Variants in GZMA observed in about 807,000 individuals in gnomAD.
GZMA encodes the protein granzyme A.
Under a neutral mutation model 21.1 loss-of-function variants are expected in GZMA, and 17 were observed. The ratio of observed to expected loss-of-function variants is 0.81; its 90% CI spans 0.55 to 1.21. GZMA has a LOEUF of 1.21. GZMA is among the 50% of genes most tolerant of loss of function. GZMA has a pLI of 0.00. For missense variants in GZMA, 306 were observed against 315.9 expected (o/e 0.97, Z 0.24); for synonymous variants, 90 against 107.8 (o/e 0.83, Z 1.03).
At chr5:55,103,870 G>T (rs1279677389) in intron 1 of GZMA, among the ~76,000 whole-genome samples, 2 of 152,108 alleles carry the variant, frequency 1.3e-5, no homozygotes, top group Non-Finnish European at 2.9e-5. Flanking sequence ...GCTGGGTATG[G>T]TGGCACGTGC....
Position 55,107,935 on chromosome 5 carries a change from G to T in GZMA, c.357G>T (p.Gln119His). 6.2e-7 allele frequency: 1 copy of T among 1,611,712 alleles called. No individual in the cohort carries two copies. The highest frequency in any genetic ancestry group is 8.5e-7 in the Non-Finnish European group (1 of 1,178,220). Residue 119 changes from glutamine to histidine, a missense_variant and splice_region_variant, in exon 3 of 5, where the codon CAG becomes CAT. Transcript: ENST00000274306. The stretch of plus-strand genomic sequence containing the variant: ...GCGAAGGTGACCTTAAACTTTTACA[G>T]GTACGTATCTTTGATTGTCTTCTCA... ...ATREGDLKLL[Q>H]LMEKAKINKY...
intron 1 of GZMA, among the ~76,000 whole-genome samples, chr5:55,104,331 T>C (rs931191274): frequency 4.6e-5 from 7 of 152,222 alleles, no homozygotes; most frequent in African/African-American, 1.4e-4. Context: ...AAATTGGGAT[T>C]GGGTGAAGGT....
rs772039884 is a variant in GZMA at position 55,108,367 on chromosome 5, C to G, written c.600C>G (p.Ser200Arg). The G allele has an allele frequency of 1.2e-6, 2 of 1,612,968 alleles. No individual in the cohort carries two copies. The highest frequency in any genetic ancestry group is 2.2e-5 in the South Asian group (2 of 91,014). ...GAATGAATATGGTTTGTGCTGGAAG[C>G]CTCCGAGGTGGAAGAGACTCGTGCA... ...VIGMNMVCAG[S>R]LRGGRDSCNG... Residue 200 changes from serine to arginine, a missense_variant, in exon 4 of 5, where the codon AGC (serine) becomes AGG (arginine). Coordinates refer to ENST00000274306, the MANE Select transcript of GZMA (RefSeq NM_006144.4).
chr5:55,102,875 T>A, intron 1 of GZMA, 123 bp downstream of exon 1: 1 of 707,680 alleles, frequency 1.4e-6, no homozygotes, highest in Non-Finnish European at 2.6e-6. Context: ...AGCCTTATAA[T>A]GTTTAGCCAG....
At chr5:55,107,380 A>C (rs1742432329) in intron 2 of GZMA, among the ~76,000 whole-genome samples, 1 of 152,214 alleles carries the variant, frequency 6.6e-6, no homozygotes, top group Admixed American at 6.5e-5. Flanking sequence ...AGATCCCTTC[A>C]GTGCATTACT....
At chr5:55,108,060 G>A (rs1278546401) in intron 3 of GZMA, 65 bp from the exon 4 acceptor site, 1 of 1,423,400 alleles carries the variant, frequency 7.0e-7, no homozygotes, top group Non-Finnish European at 9.7e-7. Flanking sequence ...TGAAATTTTG[G>A]ACTATAATTT....
intron 1 of GZMA, 64 bp downstream of exon 1, chr5:55,102,816 A>C: frequency 9.9e-7 from 1 of 1,014,212 alleles, no homozygotes. Flanking sequence ...CTTTCAATGA[A>C]CTTTTGGCAA....
In GZMA at chr5:55,107,826, A is replaced by T; in HGVS notation, c.248A>T (p.His83Leu). The change falls in exon 3 of 5, where the codon CAC (histidine) becomes CTC (leucine). Residue 83 changes from histidine to leucine, a missense_variant. Transcript: ENST00000274306. Reference protein sequence around the residue: ...NKRSQVILGAHSITREEPTKQ... With the variant: ...NKRSQVILGALSITREEPTKQ... ...AGGTCCCAGGTCATTCTTGGGGCTC[A>T]CTCAATAACCAGGGAAGAGCCAACA... is the stretch of plus-strand genomic sequence containing the variant. 1.2e-6 allele frequency: 2 copies of T among 1,612,222 alleles called. No homozygotes were observed. Among genetic ancestry groups the T allele is most frequent in the Non-Finnish European group, 1.7e-6 (2 of 1,178,320 alleles).
At position 55,107,614 on chromosome 5, in the gene GZMA, T is replaced by C. The variant is rs537089013; in HGVS notation, c.216-180T>C. On this transcript the variant is annotated intron_variant, in intron 2 of 4. Coordinates refer to ENST00000274306, the MANE Select transcript of GZMA (RefSeq NM_006144.4). ...GATGATGATGATGACGATAAATTCATAAACATTCTTTTATTCATAAACATT... is the reference window on the plus strand; with the variant it reads ...GATGATGATGATGACGATAAATTCACAAACATTCTTTTATTCATAAACATT... Among the ~76,000 whole-genome samples, 6 of 152,312 alleles carry C rather than the reference T, an allele frequency of 3.9e-5. No individual in the cohort carries two copies. In the South Asian group the frequency reaches 8.3e-4, roughly 21 times the overall value.
At chr5:55,105,055 T>C (rs1352864069) in intron 1 of GZMA, among the ~76,000 whole-genome samples, 1 of 152,170 alleles carries the variant, frequency 6.6e-6, no homozygotes, top group East Asian at 1.9e-4. Flanking sequence ...AAAAGGGAAG[T>C]TATGAGGCTT....
At chr5:55,103,778 T>C (rs3111195) in intron 1 of GZMA, among the ~76,000 whole-genome samples, 142,874 of 152,238 alleles carry the variant, frequency 0.94, 67,404 homozygotes, top group East Asian at 1. Context: ...GAGGCTGAGG[T>C]GGGTGTTTCA....
At chr5:55,109,599 T>A (rs1321992367) in intron 4 of GZMA, among the ~76,000 whole-genome samples, 1 of 152,258 alleles carries the variant, frequency 6.6e-6, no homozygotes, top group Non-Finnish European at 1.5e-5. Flanking sequence ...GGGACTGATT[T>A]GGTTTTGTTT....
intron 1 of GZMA, among the ~76,000 whole-genome samples, chr5:55,104,669 T>A (rs186113320): frequency 6.6e-6 from 1 of 152,270 alleles, no homozygotes. Context: ...GCACTCGGAG[T>A]GTATCACTAA....
At chr5:55,104,879 G>A (rs567841756) in intron 1 of GZMA, among the ~76,000 whole-genome samples, 1 of 152,320 alleles carries the variant, frequency 6.6e-6, no homozygotes, top group South Asian at 2.1e-4. Flanking sequence ...TTGGTCTAGA[G>A]ATTGAAGGGG....
At chr5:55,105,379 G>A (rs1742369103) in intron 1 of GZMA, 95 bp from the exon 2 acceptor site, 3 of 1,048,440 alleles carry the variant, frequency 2.9e-6, no homozygotes, top group Non-Finnish European at 4.2e-6. Context: ...CTTCCTCTCT[G>A]AGTGCAAAAA....
In GZMA at chr5:55,105,340, T is replaced by A. The variant is rs148318062; in HGVS notation, c.71-134T>A. On this transcript the variant is annotated intron_variant, in intron 1 of 4. Transcript: ENST00000274306. ...CAGATGTCTGCGGGTCTACATAGAG[T>A]AAAAGCAGGGGAAATGCTCTCATCC... The A allele has an allele frequency of 4.7e-5, 33 of 698,816 alleles. No homozygotes were observed. In the Middle Eastern group the frequency reaches 1.2e-3, roughly 26 times the overall value. The allele number at this position is 698,816 out of a possible 1,614,324, so 43.3% of individuals were successfully genotyped here.
In GZMA at chr5:55,103,075, T is replaced by A. The variant is rs117823621; in HGVS notation, c.70+323T>A. On this transcript the variant is annotated intron_variant, in intron 1 of 4. Transcript: ENST00000274306. Reference sequence around the variant, plus strand: ...TAGAAAAAAAAATCTTTTCTTCTCATAATTATTTTGCAAAAGATAGCAGAA... The same window carrying A: ...TAGAAAAAAAAATCTTTTCTTCTCAAAATTATTTTGCAAAAGATAGCAGAA... 2.4e-4 allele frequency among the ~76,000 whole-genome samples: 36 copies of A among 151,898 alleles called. No homozygotes were observed. The East Asian group carries it at 6.8e-3, about 29-fold the overall frequency.
chr5:55,105,197 T>C (rs1478601945), intron 1 of GZMA, among the ~76,000 whole-genome samples: 2 of 152,188 alleles, frequency 1.3e-5, no homozygotes, highest in Admixed American at 1.3e-4. Flanking sequence ...CTTTCTGCCC[T>C]GGGGCCTGAG....
chr5:55,105,259 C>T (rs1283049281), intron 1 of GZMA, among the ~76,000 whole-genome samples: 3 of 152,108 alleles, frequency 2.0e-5, no homozygotes, highest in Non-Finnish European at 4.4e-5. Context: ...TCAATGGCCT[C>T]GCTTCTGTGG....
Sources: allele counts gnomAD v4.1 joint callset (sites outside exome capture counted in the v4.1 genomes callset), GRCh38; gene constraint gnomAD v4.1.1; transcripts MANE v1.5; gene names NCBI Gene and HGNC (gene_info 2026-07-23, HGNC 2026-07-21).